Variants in PELI2 observed in about 807,000 individuals in gnomAD.
PELI2 encodes E3 ubiquitin-protein ligase pellino homolog 2.
In PELI2, 23 loss-of-function variants were observed where a neutral mutation model predicts 42.3. The observed-to-expected ratio is 0.54, with a 90% CI of 0.39 to 0.77. The LOEUF is 0.77. Ranked by LOEUF, PELI2 falls within the 30% of genes least tolerant of loss-of-function variation. PELI2 has a pLI of 0.00. For missense variants in PELI2, 463 were observed against 553.2 expected (o/e 0.84, Z 1.64); for synonymous variants, 245 against 212.2 (o/e 1.15, Z -1.34).
intron 2 of PELI2, among the ~76,000 whole-genome samples, chr14:56,236,601 A>T (rs994135683): frequency 2.0e-5 from 3 of 151,826 alleles, no homozygotes; most frequent in African/African-American, 7.3e-5. Context: ...TTGTATTTTT[A>T]TTTTTTTATT....
rs748111794 is a variant in PELI2 at position 56,244,310 on chromosome 14, C to T, written c.208-35366C>T. On this transcript the variant is annotated intron_variant, in intron 2 of 5. Transcript: ENST00000267460. Reference sequence around the variant, plus strand: ...GATCAAATACTGCTGTTGCATGTGACGTAATATCAGGGGTATGCAATGTGG... The same window carrying T: ...GATCAAATACTGCTGTTGCATGTGATGTAATATCAGGGGTATGCAATGTGG... Among the ~76,000 whole-genome samples the T allele has an allele frequency of 5.3e-5, 8 of 152,078 alleles. 1 individual carries two copies. The highest frequency in any genetic ancestry group is 3.3e-4 in the Admixed American group (5 of 15,272).
chr14:56,167,703 A>T (rs1012639383), intron 1 of PELI2, among the ~76,000 whole-genome samples: 4 of 152,158 alleles, frequency 2.6e-5, no homozygotes, highest in African/African-American at 9.7e-5. Context: ...TGGTGAGGTC[A>T]TGTTTTCCTG....
At chr14:56,262,952 G>A (rs913218103) in intron 2 of PELI2, among the ~76,000 whole-genome samples, 1 of 152,012 alleles carries the variant, frequency 6.6e-6, no homozygotes, top group African/African-American at 2.4e-5. Flanking sequence ...TCTGGGGGTT[G>A]TTTATAAATT....
chr14:56,174,472 T>C (rs895851896), intron 1 of PELI2, among the ~76,000 whole-genome samples: 1 of 152,190 alleles, frequency 6.6e-6, no homozygotes, highest in African/African-American at 2.4e-5. Flanking sequence ...TTTAGCTCTG[T>C]GTCCCCACCC....
intron 1 of PELI2, among the ~76,000 whole-genome samples, chr14:56,150,211 G>A (rs1425616202): frequency 6.6e-6 from 1 of 152,252 alleles, no homozygotes; most frequent in East Asian, 1.9e-4. Context: ...TAACTGTCAA[G>A]TGTGTCTGGT....
intron 2 of PELI2, among the ~76,000 whole-genome samples, chr14:56,279,322 A>G (rs1889398641): frequency 6.6e-6 from 1 of 152,210 alleles, no homozygotes; most frequent in Admixed American, 6.5e-5. Flanking sequence ...TTAAAACTTG[A>G]AATAAATGAC....
chr14:56,249,194 C>T (rs976503547), intron 2 of PELI2, among the ~76,000 whole-genome samples: 5 of 152,088 alleles, frequency 3.3e-5, no homozygotes, highest in South Asian at 2.1e-4. Flanking sequence ...AAGGAATTAA[C>T]GTCCACTAAA....
chr14:56,249,996 C>T (rs575884577), intron 2 of PELI2, among the ~76,000 whole-genome samples: 1 of 152,258 alleles, frequency 6.6e-6, no homozygotes, highest in African/African-American at 2.4e-5. Flanking sequence ...AGTGCTCTCT[C>T]GTGTTCTCTA....
intron 2 of PELI2, among the ~76,000 whole-genome samples, chr14:56,205,620 A>G (rs1886491438): frequency 6.6e-6 from 1 of 152,214 alleles, no homozygotes; most frequent in Non-Finnish European, 1.5e-5. Flanking sequence ...GAATGTTTGA[A>G]TAGCAAAACT....
chr14:56,224,098 G>A (rs933292278), intron 2 of PELI2, among the ~76,000 whole-genome samples: 7 of 152,180 alleles, frequency 4.6e-5, no homozygotes, highest in African/African-American at 1.7e-4. Flanking sequence ...ACCGATGAAT[G>A]TGTATATATA....
At chr14:56,122,481 A>G (rs1001511833) in intron 1 of PELI2, among the ~76,000 whole-genome samples, 8 of 152,138 alleles carry the variant, frequency 5.3e-5, no homozygotes, top group East Asian at 1.9e-4. Context: ...TCTGGATTCA[A>G]TTTGAAGCAT....
At chr14:56,181,340 CTTTTTT>C (rs57251739) in intron 2 of PELI2, among the ~76,000 whole-genome samples, 2 of 97,102 alleles carry the variant, frequency 2.1e-5, no homozygotes, top group East Asian at 6.0e-4. Flanking sequence ...CCCTGGTGGA[CTTTTTT>C]TTTTTTTTTT....
At chr14:56,228,245 G>T (rs1368708322) in intron 2 of PELI2, among the ~76,000 whole-genome samples, 1 of 152,168 alleles carries the variant, frequency 6.6e-6, no homozygotes, top group Admixed American at 6.5e-5. Flanking sequence ...TTTGAAGTCA[G>T]CCATACTGAT....
intron 1 of PELI2, among the ~76,000 whole-genome samples, chr14:56,164,272 AT>A (rs1884872138): frequency 6.6e-6 from 1 of 152,160 alleles, no homozygotes; most frequent in South Asian, 2.1e-4. Flanking sequence ...ATTTTGTCAA[AT>A]GCTTTTTAAG....
At chr14:56,188,423 A>G (rs1885846917) in intron 2 of PELI2, among the ~76,000 whole-genome samples, 1 of 152,138 alleles carries the variant, frequency 6.6e-6, no homozygotes, top group Non-Finnish European at 1.5e-5. Context: ...GGATTATACT[A>G]TGAATATTGC....
intron 2 of PELI2, among the ~76,000 whole-genome samples, chr14:56,264,160 C>T (rs940698942): frequency 5.9e-5 from 9 of 152,172 alleles, no homozygotes; most frequent in Non-Finnish European, 1.3e-4. Context: ...CTAGGCGAAG[C>T]TCTGCCTTCT....
intron 1 of PELI2, among the ~76,000 whole-genome samples, chr14:56,138,517 C>T (rs753657169): frequency 7.9e-5 from 12 of 151,752 alleles, no homozygotes; most frequent in Non-Finnish European, 1.6e-4. Context: ...ACAGTATCTA[C>T]CTTTATTAGA....
At chr14:56,230,949 G>T (rs556780562) in intron 2 of PELI2, among the ~76,000 whole-genome samples, 4 of 152,238 alleles carry the variant, frequency 2.6e-5, no homozygotes, top group South Asian at 2.1e-4. Context: ...AAAGGCAGGG[G>T]TTGCAATCCT....
chr14:56,273,675 G>A lies in PELI2; in HGVS notation c.208-6001G>A, dbSNP rs1419102349. Reference sequence around the variant, plus strand: ...AATTATGAAGGTAATAATGCTAACTGTATGTGAACAACAGTGGCAAGAGAG... The same window carrying A: ...AATTATGAAGGTAATAATGCTAACTATATGTGAACAACAGTGGCAAGAGAG... On this transcript the variant is annotated intron_variant, in intron 2 of 5. Transcript: ENST00000267460. This position sits in a 1 kb window ranked among gnomAD's most constrained non-coding sequence, Gnocchi z 4.3. Among the ~76,000 whole-genome samples the A allele has an allele frequency of 6.6e-6, 1 of 152,202 alleles. No homozygotes were observed. Among genetic ancestry groups the A allele is most frequent in the Non-Finnish European group, 1.5e-5 (1 of 68,044 alleles).
Sources: gnomAD v4.1 joint callset for allele counts (sites outside exome capture counted in the v4.1 genomes callset) on GRCh38, gnomAD v4.1.1 for gene constraint, Gnocchi (gnomAD v3.1) non-coding constraint, MANE v1.5 for transcripts, NCBI Gene and HGNC (gene_info 2026-07-23, HGNC 2026-07-21) for gene names.